Variants in MED26 observed in about 807,000 individuals in gnomAD.
MED26 encodes mediator of RNA polymerase II transcription subunit 26.
MED26 carries 7 observed loss-of-function variants against 43.7 expected under a neutral mutation model. The ratio of observed to expected loss-of-function variants is 0.16; its 90% CI spans 0.09 to 0.30. The LOEUF (loss-of-function observed/expected upper bound fraction) is 0.30, where lower values mean the gene tolerates loss of function less well. Among genes scored for constraint, MED26 ranks in the 10% least tolerant of loss-of-function variants. The probability of loss-of-function intolerance (pLI) is 1.00; values close to 1 mark genes in which losing one functional copy is unlikely to be tolerated. For synonymous variants in MED26, 375 were observed against 371.1 expected (o/e 1.01, Z -0.12); for missense variants, 784 against 840.6 (o/e 0.93, Z 0.83).
intron 1 of MED26, among the ~76,000 whole-genome samples, chr19:16,613,024 T>C (rs1441280331): frequency 1.3e-5 from 2 of 152,120 alleles, no homozygotes; most frequent in African/African-American, 4.8e-5. Context: ...GGCTTATACA[T>C]GTTTAGTACC....
At chr19:16,625,533 A>G (rs1229307280) in intron 1 of MED26, among the ~76,000 whole-genome samples, 2 of 149,632 alleles carry the variant, frequency 1.3e-5, no homozygotes, top group African/African-American at 4.9e-5. Context: ...GCTCTTCAAC[A>G]CTGTCCCCGT....
In MED26 at chr19:16,618,310, C is replaced by T. The variant is rs150770568; in HGVS notation, c.72+9562G>A. Among the ~76,000 whole-genome samples the T allele has an allele frequency of 5.0e-3, 768 of 152,272 alleles. 1 individual carries two copies. The highest frequency in any genetic ancestry group is 0.021 in the Middle Eastern group (6 of 292). On this transcript the variant is annotated intron_variant, in intron 1 of 2. Transcript: ENST00000263390. ...CACCACCTCCCCCAGCAATGAGCTC[C>T]ATTCCAGGCAGTGACTGAAGCACCA...
intron 1 of MED26, among the ~76,000 whole-genome samples, chr19:16,614,555 G>C (rs571159211): frequency 6.6e-6 from 1 of 151,978 alleles, no homozygotes; most frequent in African/African-American, 2.4e-5. Flanking sequence ...ATAAAAAGGT[G>C]GGGGGTGGGT....
intron 2 of MED26, chr19:16,578,091 T>A (rs2086022228): frequency 1.8e-6 from 1 of 552,122 alleles, no homozygotes; most frequent in African/African-American, 1.9e-5. Context: ...CAAGCACACC[T>A]CTCCTGATGT....
Position 16,576,187 on chromosome 19 carries a change from G to T in MED26, c.1643C>A (p.Thr548Lys), listed in dbSNP as rs781584589. ...CTGGATTCTGTCGAGATCGTCCTGT[G>T]TGACCTCCCGGGTCAGACCAGGGAG... ...TDLPGLTREV[T>K]QDDLDRIQAS... is the part of the protein sequence containing the mutation. The change falls in exon 3 of 3, where the codon ACA becomes AAA. Residue 548 changes from threonine to lysine, a missense_variant. By Grantham distance (78) the Thr-to-Lys change is moderately conservative. Transcript: ENST00000263390. This position sits in a 1 kb window ranked among gnomAD's most constrained non-coding sequence, Gnocchi z 6.8. 6.2e-7 allele frequency: 1 copy of T among 1,613,086 alleles called. No individual in the cohort carries two copies. Among genetic ancestry groups the T allele is most frequent in the Non-Finnish European group, 8.5e-7 (1 of 1,180,022 alleles).
intron 1 of MED26, among the ~76,000 whole-genome samples, chr19:16,596,270 A>C (rs996722043): frequency 6.6e-6 from 1 of 152,244 alleles, no homozygotes; most frequent in African/African-American, 2.4e-5. Context: ...TGCCCTGCCA[A>C]GGGTCCCAGA....
chr19:16,620,230 G>A (rs753049102), intron 1 of MED26, among the ~76,000 whole-genome samples: 4 of 152,164 alleles, frequency 2.6e-5, no homozygotes, highest in South Asian at 4.1e-4. Flanking sequence ...GAGTGCCTGC[G>A]CAGCAAGTGC....
chr19:16,611,873 T>G (rs1245982399), intron 1 of MED26: 1 of 152,142 alleles, frequency 6.6e-6, no homozygotes, highest in Admixed American at 6.5e-5. Flanking sequence ...TTGGTCAGTC[T>G]GGTCTTGAAC....
intron 1 of MED26, among the ~76,000 whole-genome samples, chr19:16,608,092 G>A (rs1055516396): frequency 1.1e-4 from 16 of 152,232 alleles, no homozygotes; most frequent in Admixed American, 2.0e-4. Flanking sequence ...GTCTGCACAC[G>A]TTCCAATACA....
intron 1 of MED26, among the ~76,000 whole-genome samples, chr19:16,603,306 G>C (rs943196839): frequency 6.6e-6 from 1 of 152,194 alleles, no homozygotes; most frequent in South Asian, 2.1e-4. Context: ...TTGTGGGACT[G>C]TGGGAGGGAT....
intron 1 of MED26, among the ~76,000 whole-genome samples, chr19:16,614,899 C>A (rs768187324): frequency 2.1e-4 from 32 of 152,254 alleles, no homozygotes; most frequent in Non-Finnish European, 2.2e-4. Flanking sequence ...CTAAGCCCCA[C>A]TAAGCCTGAA....
At chr19:16,621,686 G>A (rs1325864926) in intron 1 of MED26, among the ~76,000 whole-genome samples, 1 of 151,850 alleles carries the variant, frequency 6.6e-6, no homozygotes, top group Non-Finnish European at 1.5e-5. Context: ...GAATCCAAAG[G>A]CCTATACACA....
intron 1 of MED26, among the ~76,000 whole-genome samples, chr19:16,590,228 C>T (rs966187135): frequency 7.2e-5 from 11 of 152,248 alleles, no homozygotes; most frequent in Non-Finnish European, 1.3e-4. Context: ...ACACCATGGT[C>T]TCCCCTGAGA....
chr19:16,590,393 C>T (rs763334657), intron 1 of MED26, among the ~76,000 whole-genome samples: 3 of 152,224 alleles, frequency 2.0e-5, no homozygotes, highest in Non-Finnish European at 4.4e-5. Flanking sequence ...TGACACAGGA[C>T]ACTTTAGGAT....
Position 16,576,800 on chromosome 19 carries a change from G to C in MED26, c.1030C>G (p.Gln344Glu). The C allele has an allele frequency of 2.5e-6, 4 of 1,607,882 alleles. No homozygotes were observed. Among genetic ancestry groups the C allele is most frequent in the Non-Finnish European group, 3.4e-6 (4 of 1,178,650 alleles). The change falls in exon 3 of 3, where the codon CAG becomes GAG. Residue 344 changes from glutamine to glutamate, a missense_variant. Coordinates refer to ENST00000263390, the MANE Select transcript of MED26 (RefSeq NM_004831.5). The surrounding 1 kb of genome is among the most constrained non-coding windows in gnomAD (Gnocchi z 6.8). ...SAESPVCWLEQPESHQRLAGP... is the reference protein window; with the variant it reads ...SAESPVCWLEEPESHQRLAGP... ...GCCAGCCGCTGGTGGCTCTCAGGCT[G>C]CTCAAGCCAGCACACTGGGCTTTCC...
At chr19:16,602,987 G>T (rs1336779521) in intron 1 of MED26, among the ~76,000 whole-genome samples, 2 of 152,170 alleles carry the variant, frequency 1.3e-5, no homozygotes, top group Non-Finnish European at 2.9e-5. Context: ...AAGTTTTATG[G>T]GATGTATATT....
intron 1 of MED26, among the ~76,000 whole-genome samples, chr19:16,600,825 T>C (rs1369843634): frequency 1.3e-5 from 2 of 152,162 alleles, no homozygotes; most frequent in Non-Finnish European, 2.9e-5. Flanking sequence ...CCGGGAGCAG[T>C]GGCTGACACC....
rs1375152568 is a variant in MED26, at chr19:16,598,145, GC to G, written c.73-19737del. On this transcript the variant is annotated intron_variant, in intron 1 of 2. Coordinates refer to ENST00000263390, the MANE Select transcript of MED26 (RefSeq NM_004831.5). The stretch of plus-strand genomic sequence containing the variant: ...AGGTCAGGAATTCAAGAGCAGCCTG[GC>G]CAAGATGGTGAAACCCTGTGTCTAC... 5.3e-5 allele frequency among the ~76,000 whole-genome samples: 8 copies of G among 150,772 alleles called. No homozygotes were observed. The East Asian group carries it at 1.4e-3, about 27-fold the overall frequency.
At chr19:16,595,140 C>T (rs1230969895) in intron 1 of MED26, among the ~76,000 whole-genome samples, 1 of 152,150 alleles carries the variant, frequency 6.6e-6, no homozygotes, top group Non-Finnish European at 1.5e-5. Context: ...GTAGGAAAGC[C>T]CACAGTCCAG....
Sources: allele counts gnomAD v4.1 joint callset (sites outside exome capture counted in the v4.1 genomes callset), GRCh38; gene constraint gnomAD v4.1.1; non-coding constraint Gnocchi (gnomAD v3.1); transcripts MANE v1.5; gene names NCBI Gene and HGNC (gene_info 2026-07-23, HGNC 2026-07-21).